The following TSPAN13 variants were observed in gnomAD, a reference collection of about 807,000 sequenced individuals.
The protein encoded by TSPAN13 is tetraspanin-13.
In TSPAN13, 18 loss-of-function variants were observed where a neutral mutation model predicts 26.9. That is an observed-to-expected ratio of 0.67 (90% CI 0.46 to 0.99). The LOEUF is 0.99. TSPAN13 is among the 50% of genes least tolerant of loss of function. TSPAN13 has a pLI of 0.00. For missense variants in TSPAN13, 201 were observed against 249.6 expected (o/e 0.81, Z 1.31); for synonymous variants, 116 against 98.4 (o/e 1.18, Z -1.06).
intron 1 of TSPAN13, among the ~76,000 whole-genome samples, chr7:16,762,615 T>C (rs2115324363): frequency 6.6e-6 from 1 of 152,232 alleles, no homozygotes; most frequent in South Asian, 2.1e-4. Flanking sequence ...CCGGAAGTAA[T>C]AGAAACCCAG....
At chr7:16,754,057 C>T (rs1195127497) in intron 1 of TSPAN13, 27 bp downstream of exon 1, 1 of 1,609,810 alleles carries the variant, frequency 6.2e-7, no homozygotes, top group Non-Finnish European at 8.5e-7. Context: ...CGTTCCTGCT[C>T]GCTTGGGGGC....
At chr7:16,757,661 T>G (rs957487016) in intron 1 of TSPAN13, among the ~76,000 whole-genome samples, 10 of 152,212 alleles carry the variant, frequency 6.6e-5, no homozygotes, top group Non-Finnish European at 1.2e-4. Flanking sequence ...TGTGTGTTCA[T>G]TCTTATAACA....
At chr7:16,757,847 T>G (rs569656083) in intron 1 of TSPAN13, among the ~76,000 whole-genome samples, 2 of 152,244 alleles carry the variant, frequency 1.3e-5, no homozygotes, top group Admixed American at 1.3e-4. Context: ...CTATTTGTAT[T>G]TTTGAGATGG....
At chr7:16,771,777 A>G (rs1371742982) in intron 1 of TSPAN13, among the ~76,000 whole-genome samples, 4 of 152,218 alleles carry the variant, frequency 2.6e-5, no homozygotes, top group Non-Finnish European at 2.9e-5. Context: ...AAAAGCAGCG[A>G]TAGGAAACCC....
rs1293184761 is a variant in TSPAN13 at position 16,783,799 on chromosome 7, C to T, written c.*308C>T. On this transcript the variant is annotated 3_prime_UTR_variant, in exon 6 of 6. Coordinates refer to ENST00000262067, the MANE Select transcript of TSPAN13 (RefSeq NM_014399.4). ...TGCAGAAAAACTTTGTATGGTACCA[C>T]TGTGTTGGTTATATGGTGAATCTGA... The T allele has an allele frequency of 5.4e-6, 2 of 372,480 alleles. No individual in the cohort carries two copies. The highest frequency in any genetic ancestry group is 9.9e-6 in the Non-Finnish European group (2 of 201,558). 23.1% of individuals were successfully genotyped at this position (372,480 alleles called of 1,614,324 possible).
intron 1 of TSPAN13, among the ~76,000 whole-genome samples, chr7:16,762,378 G>C (rs1044677547): frequency 2.6e-5 from 4 of 152,190 alleles, no homozygotes; most frequent in African/African-American, 9.7e-5. Context: ...TGATTGTCTG[G>C]TGCTTAAAGT....
At chr7:16,766,994 A>G (rs1301212312) in intron 1 of TSPAN13, among the ~76,000 whole-genome samples, 1 of 151,878 alleles carries the variant, frequency 6.6e-6, no homozygotes, top group East Asian at 1.9e-4. Flanking sequence ...TGCAGTGGCT[A>G]TTCCCAAGTG....
intron 1 of TSPAN13, among the ~76,000 whole-genome samples, chr7:16,755,541 GTTTTT>G (rs34234997): frequency 7.2e-6 from 1 of 139,364 alleles, no homozygotes; most frequent in East Asian, 2.1e-4. Context: ...GTTCTCTAGG[GTTTTT>G]TTTTTTTTTT....
chr7:16,767,014 C>T lies in TSPAN13; in HGVS notation c.64-9197C>T, dbSNP rs372648152. ...TGGCTATTCCCAAGTGCAGTCACAA[C>T]GCACTGCAGCCCAGGACTCCTGGGC... On this transcript the variant is annotated intron_variant, in intron 1 of 5. Transcript: ENST00000262067. Among the ~76,000 whole-genome samples, 58 of 152,288 alleles carry T rather than the reference C, an allele frequency of 3.8e-4. No individual in the cohort carries two copies. In the South Asian group the frequency reaches 0.012, roughly 30 times the overall value.
At chr7:16,765,785 A>T (rs1784598045) in intron 1 of TSPAN13, among the ~76,000 whole-genome samples, 1 of 152,204 alleles carries the variant, frequency 6.6e-6, no homozygotes, top group African/African-American at 2.4e-5. Context: ...GTGTACATTT[A>T]CTTTCTATTC....
At chr7:16,772,392 C>A (rs777968068) in intron 1 of TSPAN13, among the ~76,000 whole-genome samples, 2 of 152,138 alleles carry the variant, frequency 1.3e-5, no homozygotes, top group Non-Finnish European at 2.9e-5. Flanking sequence ...AGAAATTTAT[C>A]CCCTCACAGT....
intron 5 of TSPAN13, 33 bp from the exon 6 acceptor site, chr7:16,783,384 T>A: frequency 1.3e-6 from 2 of 1,593,226 alleles, no homozygotes; most frequent in Non-Finnish European, 8.6e-7. Context: ...TTACTTTCTT[T>A]TTCTTTACTT....
At chr7:16,774,891 CAT>C (rs991821933) in intron 1 of TSPAN13, among the ~76,000 whole-genome samples, 1 of 152,156 alleles carries the variant, frequency 6.6e-6, no homozygotes, top group Non-Finnish European at 1.5e-5. Context: ...AATAGACACT[CAT>C]GTAGCAGTTT....
rs146979315 is a variant in TSPAN13, at chr7:16,779,025, C to T, written c.449C>T (p.Ser150Leu). 40 of 1,613,502 alleles carry T rather than the reference C, an allele frequency of 2.5e-5. No homozygotes were observed. The highest frequency in any genetic ancestry group is 3.4e-5 in the Non-Finnish European group (40 of 1,179,802). Residue 150 changes from serine (S) to leucine (L), a missense_variant, in exon 5 of 6, where the codon TCG becomes TTG. By Grantham distance (145) the Ser-to-Leu change is moderately radical. Transcript: ENST00000262067. ...CAGAGCTGTGTTAAAAGTGACCACT[C>T]GTGCTCGCCATGTGCTCCAATCATA... ...CLASCVKSDH[S>L]CSPCAPIIGE...
chr7:16,762,646 A>G (rs1039196610), intron 1 of TSPAN13, among the ~76,000 whole-genome samples: 7 of 152,138 alleles, frequency 4.6e-5, no homozygotes, highest in Non-Finnish European at 1.0e-4. Context: ...TTAAAATGGT[A>G]AGTTTTATTA....
chr7:16,770,498 C>T (rs972338686), intron 1 of TSPAN13, among the ~76,000 whole-genome samples: 1 of 152,340 alleles, frequency 6.6e-6, no homozygotes, highest in South Asian at 2.1e-4. Context: ...GCGTGAGCCA[C>T]CGCGCCCAGC....
At chr7:16,783,223 A>G (rs1431491043) in intron 5 of TSPAN13, among the ~76,000 whole-genome samples, 194 bp from the exon 6 acceptor site, 1 of 152,038 alleles carries the variant, frequency 6.6e-6, no homozygotes, top group African/African-American at 2.4e-5. Context: ...AGTTTACCAC[A>G]GTGTTCGTTT....
At chr7:16,782,885 A>C (rs1013468792) in intron 5 of TSPAN13, among the ~76,000 whole-genome samples, 1 of 152,202 alleles carries the variant, frequency 6.6e-6, no homozygotes, top group African/African-American at 2.4e-5. Context: ...ACAGTTTTGG[A>C]GATCAAAAGT....
In TSPAN13 at chr7:16,784,066, ATG is replaced by A; in HGVS notation, c.*577_*578del. 6.5e-6 allele frequency: 1 copy of A among 152,790 alleles called. No individual in the cohort carries two copies. The highest frequency in any genetic ancestry group is 1.5e-5 in the Non-Finnish European group (1 of 68,064). The allele number at this position is 152,790 out of a possible 1,614,324, so 9.5% of individuals were successfully genotyped here. On this transcript the variant is annotated 3_prime_UTR_variant, in exon 6 of 6. Coordinates refer to ENST00000262067, the MANE Select transcript of TSPAN13 (RefSeq NM_014399.4). ...ACACCAATGTATTCTAGAAATAGTT[ATG>A]TCTTAGGAAATTGTGGTTTAATTTT...
Sources: gnomAD v4.1 joint callset for allele counts (sites outside exome capture counted in the v4.1 genomes callset) on GRCh38, gnomAD v4.1.1 for gene constraint, MANE v1.5 for transcripts, NCBI Gene and HGNC (gene_info 2026-07-23, HGNC 2026-07-21) for gene names.